Variants in ANK3 observed in about 807,000 individuals in gnomAD.
ANK3 encodes the protein ankyrin 3.
Under a neutral mutation model 370.9 loss-of-function variants are expected in ANK3, and 57 were observed. That is an observed-to-expected ratio of 0.15 (90% CI 0.12 to 0.19). The LOEUF (loss-of-function observed/expected upper bound fraction) is 0.19, where lower values mean the gene tolerates loss of function less well. Among genes scored for constraint, ANK3 ranks in the 10% least tolerant of loss-of-function variants. The pLI is 1.00. For synonymous variants in ANK3, 1,929 were observed against 1,946.3 expected (o/e 0.99, Z 0.23); for missense variants, 4,439 against 5,302.1 (o/e 0.84, Z 5.06).
intron 1 of ANK3, among the ~76,000 whole-genome samples, chr10:60,640,317 C>T (rs1368879969): frequency 3.4e-5 from 5 of 149,100 alleles, no homozygotes; most frequent in East Asian, 2.0e-4. Context: ...ATACCAAAGC[C>T]GGGCAGAGAC....
At chr10:60,651,121 A>G (rs1356834972) in intron 1 of ANK3, among the ~76,000 whole-genome samples, 3 of 152,222 alleles carry the variant, frequency 2.0e-5, no homozygotes, top group Admixed American at 1.3e-4. Flanking sequence ...TGTTTTATAT[A>G]TATGTGTGTG....
Position 60,074,834 on chromosome 10 carries a change from A to G in ANK3, c.6047T>C (p.Val2016Ala). Residue 2016 changes from valine (V) to alanine (A), a missense_variant, in exon 37 of 44, where the codon GTG becomes GCG. By Grantham distance (64) the Val-to-Ala change is moderately conservative. Transcript: ENST00000280772. Reference protein sequence around the residue: ...ASQSPSLPERVQVKAKAASEK... With the variant: ...ASQSPSLPERAQVKAKAASEK... Reference sequence around the variant, plus strand: ...GGAGGCGGCTTTTGCTTTTACTTGCACTCTCTCTGGCAGAGATGGAGACTG... The same window carrying G: ...GGAGGCGGCTTTTGCTTTTACTTGCGCTCTCTCTGGCAGAGATGGAGACTG... The G allele has an allele frequency of 6.2e-7, 1 of 1,613,158 alleles. No individual in the cohort carries two copies. The highest frequency in any genetic ancestry group is 8.5e-7 in the Non-Finnish European group (1 of 1,179,860).
At chr10:60,090,179 G>A (rs2087887507) in intron 28 of ANK3, among the ~76,000 whole-genome samples, 2 of 152,080 alleles carry the variant, frequency 1.3e-5, no homozygotes, top group South Asian at 4.1e-4. Context: ...TTAGCTGGGT[G>A]TGGTGGCATG....
chr10:60,713,606 A>G (rs559749116), intron 1 of ANK3, among the ~76,000 whole-genome samples: 1 of 152,186 alleles, frequency 6.6e-6, no homozygotes, highest in South Asian at 2.1e-4. Flanking sequence ...AAAAATTACA[A>G]CAGGCTGGGT....
At chr10:60,624,305 T>C (rs556291506) in intron 1 of ANK3, among the ~76,000 whole-genome samples, 3 of 152,250 alleles carry the variant, frequency 2.0e-5, no homozygotes, top group African/African-American at 7.2e-5. Context: ...GTCGATAAAG[T>C]ACAAAGTATT....
intron 2 of ANK3, among the ~76,000 whole-genome samples, chr10:60,488,530 A>C (rs1176756699): frequency 1.3e-5 from 2 of 152,078 alleles, no homozygotes; most frequent in East Asian, 3.9e-4. Context: ...TATCACCCCC[A>C]AAAGAAACCC....
intron 1 of ANK3, among the ~76,000 whole-genome samples, chr10:60,288,207 G>A (rs1355737345): frequency 1.9e-4 from 29 of 151,982 alleles, no homozygotes; most frequent in Admixed American, 1.8e-3. Flanking sequence ...ACCAACAGAC[G>A]CACCTACTAA....
intron 2 of ANK3, among the ~76,000 whole-genome samples, chr10:60,421,007 C>T (rs2132951222): frequency 6.6e-6 from 1 of 152,164 alleles, no homozygotes; most frequent in East Asian, 1.9e-4. Context: ...ACGATGAATA[C>T]TATTCCACCT....
intron 1 of ANK3, among the ~76,000 whole-genome samples, chr10:60,333,641 T>C (rs35191067): frequency 6.6e-6 from 1 of 152,304 alleles, no homozygotes; most frequent in East Asian, 1.9e-4. Context: ...GAATGATTTA[T>C]AGTCCTTTGG....
At chr10:60,096,277 C>A (rs10994198) in intron 28 of ANK3, among the ~76,000 whole-genome samples, 92,445 of 152,040 alleles carry the variant, frequency 0.61, 28,473 homozygotes, top group East Asian at 0.81. Context: ...ATGAACAGTG[C>A]CAATATTCTT....
At chr10:60,183,509 A>G (rs545701073) in intron 17 of ANK3, among the ~76,000 whole-genome samples, 1 of 152,324 alleles carries the variant, frequency 6.6e-6, no homozygotes, top group East Asian at 1.9e-4. Context: ...GCCCTGTTTG[A>G]GTTCAGAAGT....
At chr10:60,330,277 C>G (rs1477678012) in intron 1 of ANK3, among the ~76,000 whole-genome samples, 1 of 152,106 alleles carries the variant, frequency 6.6e-6, no homozygotes, top group Admixed American at 6.5e-5. Flanking sequence ...CCAAAATAGG[C>G]AAATGGGATC....
chr10:60,731,731 AAAGCAGC>A (rs1165852439), intron 1 of ANK3, among the ~76,000 whole-genome samples: 1 of 152,206 alleles, frequency 6.6e-6, no homozygotes, highest in African/African-American at 2.4e-5. Context: ...CTGAACTGCT[AAAGCAGC>A]AATCTGTGTC....
At chr10:60,428,612 T>C (rs1413049157) in intron 2 of ANK3, among the ~76,000 whole-genome samples, 2 of 152,190 alleles carry the variant, frequency 1.3e-5, no homozygotes, top group African/African-American at 4.8e-5. Context: ...AACATTTGTT[T>C]TTAGAAACTG....
chr10:60,617,863 C>T (rs1436180893), intron 1 of ANK3, among the ~76,000 whole-genome samples: 3 of 152,090 alleles, frequency 2.0e-5, no homozygotes, highest in African/African-American at 7.2e-5. Context: ...TTTTGCACAT[C>T]TTATTACATA....
intron 7 of ANK3, among the ~76,000 whole-genome samples, chr10:60,237,829 C>G (rs996288963): frequency 6.6e-6 from 1 of 152,112 alleles, no homozygotes; most frequent in Non-Finnish European, 1.5e-5. Flanking sequence ...TTTCATTTTA[C>G]CCTCACAGCA....
intron 43 of ANK3, among the ~76,000 whole-genome samples, chr10:60,030,389 A>G (rs1336167149): frequency 3.3e-5 from 5 of 151,944 alleles, no homozygotes; most frequent in East Asian, 1.9e-4. Context: ...TGAGCCGCCC[A>G]CCTTGGCCTC....
In ANK3 at chr10:60,075,326, A is replaced by G. The variant is rs146629550; in HGVS notation, c.5555T>C (p.Leu1852Ser). 5.8e-5 allele frequency: 94 copies of G among 1,614,072 alleles called. No homozygotes were observed. Among genetic ancestry groups the G allele is most frequent in the Non-Finnish European group, 7.6e-5 (90 of 1,180,032 alleles). Residue 1852 changes from leucine to serine, a missense_variant, in exon 37 of 44, where the codon TTG becomes TCG. This residue lies in a region of ANK3 where 679 missense variants were observed against 791.0 expected (regional missense o/e 0.86). Transcript: ENST00000280772. Reference protein sequence around the residue: ...SNSFTKSAAALLSPIKTLTTE... With the variant: ...SNSFTKSAAASLSPIKTLTTE... Reference sequence around the variant, plus strand: ...AGTCAATGTTTTAATGGGTGACAGCAAGGCTGCTGCTGATTTTGTAAATGA... The same window carrying G: ...AGTCAATGTTTTAATGGGTGACAGCGAGGCTGCTGCTGATTTTGTAAATGA...
intron 25 of ANK3, among the ~76,000 whole-genome samples, chr10:60,122,933 A>G (rs749096391): frequency 2.0e-5 from 3 of 152,202 alleles, no homozygotes; most frequent in African/African-American, 2.4e-5. Flanking sequence ...TTGACTCAAA[A>G]TATTTACATT....
Sources: allele counts gnomAD v4.1 joint callset (sites outside exome capture counted in the v4.1 genomes callset), GRCh38; gene constraint gnomAD v4.1.1; regional missense constraint gnomAD v4.1.1; transcripts MANE v1.5; gene names NCBI Gene and HGNC (gene_info 2026-07-23, HGNC 2026-07-21).